EDAR: variants seen among roughly 807,000 people sequenced by gnomAD.
EDAR encodes tumor necrosis factor receptor superfamily member EDAR.
In EDAR, 38 loss-of-function variants were observed where a neutral mutation model predicts 51.3. That is an observed-to-expected ratio of 0.74 (90% CI 0.57 to 0.97). The LOEUF is 0.97. Ranked by LOEUF, EDAR falls within the 50% of genes least tolerant of loss-of-function variation. The probability of loss-of-function intolerance (pLI) is 0.00; values close to 1 mark genes in which losing one functional copy is unlikely to be tolerated. For missense variants in EDAR, 528 were observed against 595.0 expected (o/e 0.89, Z 1.17); for synonymous variants, 227 against 242.1 (o/e 0.94, Z 0.58).
intron 1 of EDAR, among the ~76,000 whole-genome samples, chr2:108,971,384 T>C (rs541673474): frequency 6.6e-6 from 1 of 152,016 alleles, no homozygotes; most frequent in African/African-American, 2.4e-5. Flanking sequence ...AAAATCTTCA[T>C]TGTAACAAGA....
At chr2:108,928,587 C>CT (rs1697302158) in intron 4 of EDAR, among the ~76,000 whole-genome samples, 1 of 152,148 alleles carries the variant, frequency 6.6e-6, no homozygotes, top group South Asian at 2.1e-4. Flanking sequence ...GTTGTGGCCA[C>CT]TAGGGGGAGG....
At chr2:108,925,768 C>T (rs1482667547) in intron 4 of EDAR, among the ~76,000 whole-genome samples, 1 of 152,146 alleles carries the variant, frequency 6.6e-6, no homozygotes, top group East Asian at 1.9e-4. Context: ...CAGGCATGCA[C>T]CACGACGCCT....
At chr2:108,934,933 A>G (rs1359426343) in intron 1 of EDAR, among the ~76,000 whole-genome samples, 1 of 152,224 alleles carries the variant, frequency 6.6e-6, no homozygotes, top group East Asian at 1.9e-4. Flanking sequence ...TAACTTGTGG[A>G]ACTAACCAGT....
intron 11 of EDAR, among the ~76,000 whole-genome samples, chr2:108,900,916 TGAAA>T (rs1347540841): frequency 6.6e-6 from 1 of 152,022 alleles, no homozygotes; most frequent in African/African-American, 2.4e-5. Flanking sequence ...CTGATAGACC[TGAAA>T]GAAGAGATAA....
At chr2:108,902,574 A>G (rs1347944876) in intron 11 of EDAR, among the ~76,000 whole-genome samples, 2 of 152,190 alleles carry the variant, frequency 1.3e-5, no homozygotes, top group Non-Finnish European at 2.9e-5. Context: ...CCAGACAAAG[A>G]CAAAAAACAA....
At chr2:108,976,914 A>T (rs1698332860) in intron 1 of EDAR, among the ~76,000 whole-genome samples, 1 of 152,098 alleles carries the variant, frequency 6.6e-6, no homozygotes, top group African/African-American at 2.4e-5. Context: ...CACTTCTCCA[A>T]GGAGTCCTGG....
intron 1 of EDAR, among the ~76,000 whole-genome samples, chr2:108,975,643 G>A (rs551127831): frequency 2.6e-5 from 4 of 152,258 alleles, no homozygotes; most frequent in South Asian, 2.1e-4. Flanking sequence ...AAATAGAGCC[G>A]GGGGAACAGG....
chr2:108,975,318 G>T (rs1558842608), intron 1 of EDAR, among the ~76,000 whole-genome samples: 1 of 152,212 alleles, frequency 6.6e-6, no homozygotes, highest in Non-Finnish European at 1.5e-5. Flanking sequence ...TCCCACCCGT[G>T]TCTTCTATGG....
intron 1 of EDAR, chr2:108,940,129 C>T (rs1257409187): frequency 6.6e-6 from 1 of 152,246 alleles, no homozygotes; most frequent in East Asian, 1.9e-4. Context: ...TTATTGGCAC[C>T]AGGATCAATA....
At chr2:108,954,658 G>A (rs1697886406) in intron 1 of EDAR, among the ~76,000 whole-genome samples, 1 of 151,968 alleles carries the variant, frequency 6.6e-6, no homozygotes, top group Non-Finnish European at 1.5e-5. Flanking sequence ...TATTCAAGCA[G>A]CTGTCACTGG....
chr2:108,976,662 C>T (rs761784562), intron 1 of EDAR, among the ~76,000 whole-genome samples: 4 of 152,108 alleles, frequency 2.6e-5, no homozygotes, highest in Non-Finnish European at 4.4e-5. Context: ...TCAGTGTGAA[C>T]ACATGGGTAT....
intron 2 of EDAR, among the ~76,000 whole-genome samples, chr2:108,930,592 T>C (rs899259): frequency 0.7 from 106,075 of 152,020 alleles, 38,939 homozygotes; most frequent in Middle Eastern, 0.83. Flanking sequence ...TACAGTGGCT[T>C]CTCAGAACAC....
At chr2:108,941,308 C>G (rs1413859192) in intron 1 of EDAR, among the ~76,000 whole-genome samples, 1 of 152,158 alleles carries the variant, frequency 6.6e-6, no homozygotes, top group Admixed American at 6.5e-5. Flanking sequence ...CAGTCCTGAC[C>G]TTGCTTTTGA....
At chr2:108,910,620 C>A in intron 8 of EDAR, 88 bp from the exon 9 acceptor site, 1 of 1,395,796 alleles carries the variant, frequency 7.2e-7, no homozygotes, top group Non-Finnish European at 1.0e-6. Context: ...TCCTGTTGGG[C>A]AGAGCTGCCC....
chr2:108,934,803 C>T (rs950517754), intron 1 of EDAR, among the ~76,000 whole-genome samples: 1 of 152,226 alleles, frequency 6.6e-6, no homozygotes, highest in African/African-American at 2.4e-5. Flanking sequence ...CCCCACCTTT[C>T]AAACCTGTTC....
At chr2:108,935,874 C>T (rs903481149) in intron 1 of EDAR, among the ~76,000 whole-genome samples, 12 of 152,216 alleles carry the variant, frequency 7.9e-5, no homozygotes, top group African/African-American at 2.7e-4. Context: ...CCTTTCCTAG[C>T]CGTCCTCCCC....
intron 1 of EDAR, among the ~76,000 whole-genome samples, chr2:108,988,296 GGAATCAGAGCCGACT>G (rs1446527876): frequency 2.0e-5 from 3 of 152,284 alleles, no homozygotes; most frequent in African/African-American, 4.8e-5. Flanking sequence ...CAGGAGGCTG[GGAATCAGAGCCGACT>G]GAATCAGAGC....
At chr2:108,953,766 G>A (rs1697868959) in intron 1 of EDAR, among the ~76,000 whole-genome samples, 1 of 152,166 alleles carries the variant, frequency 6.6e-6, no homozygotes, top group Non-Finnish European at 1.5e-5. Flanking sequence ...CCAGAAAACT[G>A]GCAGGTGGAG....
intron 1 of EDAR, among the ~76,000 whole-genome samples, chr2:108,968,090 T>C (rs980584770): frequency 2.6e-5 from 4 of 152,088 alleles, no homozygotes; most frequent in African/African-American, 7.2e-5. Flanking sequence ...TGGAGCTGAG[T>C]GCTGCACAGG....
Sources: gnomAD v4.1 joint callset for allele counts (sites outside exome capture counted in the v4.1 genomes callset) on GRCh38, gnomAD v4.1.1 for gene constraint, MANE v1.5 for transcripts, NCBI Gene and HGNC (gene_info 2026-07-23, HGNC 2026-07-21) for gene names.